Variants in MMP16 observed in about 807,000 individuals in gnomAD.
MMP16 encodes the protein matrix metalloproteinase-16.
MMP16 carries 12 observed loss-of-function variants against 67.8 expected under a neutral mutation model. That is an observed-to-expected ratio of 0.18 (90% CI 0.11 to 0.29). The LOEUF (loss-of-function observed/expected upper bound fraction) is 0.29, where lower values mean the gene tolerates loss of function less well. Among genes scored for constraint, MMP16 ranks in the 10% least tolerant of loss-of-function variants. The probability of loss-of-function intolerance (pLI) is 1.00; values close to 1 mark genes in which losing one functional copy is unlikely to be tolerated. For missense variants in MMP16, 475 were observed against 765.7 expected (o/e 0.62, Z 4.48); for synonymous variants, 249 against 255.9 (o/e 0.97, Z 0.26).
intron 1 of MMP16, among the ~76,000 whole-genome samples, chr8:88,274,921 C>A (rs1335769211): frequency 5.9e-5 from 9 of 151,802 alleles, no homozygotes; most frequent in Non-Finnish European, 1.3e-4. Context: ...AAAAAGTATC[C>A]TGGATATGTA....
At chr8:88,144,544 T>C (rs1483025774) in intron 4 of MMP16, among the ~76,000 whole-genome samples, 1 of 151,878 alleles carries the variant, frequency 6.6e-6, no homozygotes, top group African/African-American at 2.4e-5. Flanking sequence ...GAGACTTTTA[T>C]CTAATTTTAG....
chr8:88,264,244 G>C (rs1359635598), intron 1 of MMP16, among the ~76,000 whole-genome samples: 1 of 152,096 alleles, frequency 6.6e-6, no homozygotes, highest in African/African-American at 2.4e-5. Flanking sequence ...TGTTCTCCCA[G>C]ACTGAAGTAC....
chr8:88,261,390 T>C (rs1013409924), intron 1 of MMP16, among the ~76,000 whole-genome samples: 60 of 152,070 alleles, frequency 3.9e-4, no homozygotes, highest in Non-Finnish European at 1.5e-5. Context: ...AATCAGTGCA[T>C]CAGTTTTATG....
chr8:88,210,319 G>T (rs1327795527), intron 1 of MMP16, among the ~76,000 whole-genome samples: 1 of 152,132 alleles, frequency 6.6e-6, no homozygotes, highest in Middle Eastern at 3.2e-3. Flanking sequence ...TTTATTTATG[G>T]TTTTATTCTG....
At chr8:88,151,292 T>C (rs975244546) in intron 4 of MMP16, among the ~76,000 whole-genome samples, 2 of 147,526 alleles carry the variant, frequency 1.4e-5, no homozygotes, top group African/African-American at 2.5e-5. Flanking sequence ...CTGTCAACAT[T>C]AGACAGATCA....
At chr8:88,192,379 G>A (rs979258782) in intron 2 of MMP16, among the ~76,000 whole-genome samples, 2 of 152,140 alleles carry the variant, frequency 1.3e-5, no homozygotes, top group African/African-American at 2.4e-5. Flanking sequence ...GAACAAAACT[G>A]TATTAAGCCA....
rs71277984 is a variant in MMP16 at position 88,201,144 on chromosome 8, CAAAAAAAA to C, written c.133-3846_133-3839del. 3.5e-3 allele frequency among the ~76,000 whole-genome samples: 384 copies of C among 109,390 alleles called. 1 individual carries two copies. The highest frequency in any genetic ancestry group is 0.028 in the Middle Eastern group (5 of 178). 71.8% of individuals were successfully genotyped at this position (109,390 alleles called of 152,430 possible). On this transcript the variant is annotated intron_variant, in intron 1 of 9. Transcript: ENST00000286614. The stretch of plus-strand genomic sequence containing the variant: ...TAATTGCAGACATCCTTTCCCCCCC[CAAAAAAAA>C]AAAAAAAAAAAAAAAATGGAATAAG...
chr8:88,095,202 T>G (rs2118358103), intron 6 of MMP16, among the ~76,000 whole-genome samples: 1 of 151,990 alleles, frequency 6.6e-6, no homozygotes, highest in African/African-American at 2.4e-5. Context: ...CATCTATCAA[T>G]GTTGCCTTGA....
intron 1 of MMP16, among the ~76,000 whole-genome samples, chr8:88,200,346 A>G (rs891184985): frequency 6.6e-6 from 1 of 152,040 alleles, no homozygotes; most frequent in Non-Finnish European, 1.5e-5. Context: ...CAAGGGACAA[A>G]CAAGTTCCTT....
At chr8:88,326,811 T>C (rs1811546301) in intron 1 of MMP16, 2 of 374,198 alleles carry the variant, frequency 5.3e-6, no homozygotes, top group African/African-American at 2.0e-5. Context: ...TTCTCTTCCC[T>C]GGGTGAAAAG....
intron 1 of MMP16, among the ~76,000 whole-genome samples, chr8:88,244,821 T>C (rs1052670520): frequency 6.6e-6 from 1 of 152,184 alleles, no homozygotes; most frequent in East Asian, 1.9e-4. Context: ...ATTTTGAACA[T>C]ATTTGTGCTA....
intron 1 of MMP16, among the ~76,000 whole-genome samples, chr8:88,285,114 T>G (rs1462188010): frequency 2.0e-5 from 3 of 151,942 alleles, no homozygotes; most frequent in Non-Finnish European, 2.9e-5. Context: ...ACAAGAACAG[T>G]TTTTTGTTTA....
intron 4 of MMP16, among the ~76,000 whole-genome samples, chr8:88,128,111 C>A (rs373512121): frequency 6.6e-6 from 1 of 151,808 alleles, no homozygotes; most frequent in Non-Finnish European, 1.5e-5. Flanking sequence ...CTGCATGCTG[C>A]GGAGAACGGC....
chr8:88,166,567 T>G (rs1422115357), intron 4 of MMP16, among the ~76,000 whole-genome samples: 1 of 150,450 alleles, frequency 6.6e-6, no homozygotes, highest in African/African-American at 2.4e-5. Context: ...AGGATAGAGT[T>G]GCAAAAAATG....
At chr8:88,154,865 A>G (rs967951304) in intron 4 of MMP16, among the ~76,000 whole-genome samples, 7 of 151,516 alleles carry the variant, frequency 4.6e-5, no homozygotes, top group African/African-American at 1.7e-4. Flanking sequence ...CTTAAAGTAT[A>G]ATACAAAAAA....
At chr8:88,161,904 G>A (rs201543742) in intron 4 of MMP16, among the ~76,000 whole-genome samples, 20 of 151,968 alleles carry the variant, frequency 1.3e-4, no homozygotes, top group African/African-American at 4.8e-4. Context: ...GTTTGATTGC[G>A]CTGTGGTCTG....
chr8:88,202,179 C>A (rs1206121718), intron 1 of MMP16, among the ~76,000 whole-genome samples: 1 of 152,114 alleles, frequency 6.6e-6, no homozygotes, highest in African/African-American at 2.4e-5. Context: ...TTAATGGCTT[C>A]TTGAAATGGA....
intron 3 of MMP16, among the ~76,000 whole-genome samples, chr8:88,177,338 C>G (rs776804278): frequency 1.3e-5 from 2 of 152,166 alleles, no homozygotes; most frequent in Non-Finnish European, 2.9e-5. Context: ...TGAAATAACT[C>G]TTCTTCATTC....
chr8:88,187,743 ACTT>A (rs1235357424), intron 2 of MMP16, among the ~76,000 whole-genome samples: 2 of 152,180 alleles, frequency 1.3e-5, no homozygotes, highest in Non-Finnish European at 2.9e-5. Context: ...AATAACTTTT[ACTT>A]CTTAAGAAAG....
Sources: gnomAD v4.1 joint callset for allele counts (sites outside exome capture counted in the v4.1 genomes callset) on GRCh38, gnomAD v4.1.1 for gene constraint, MANE v1.5 for transcripts, NCBI Gene and HGNC (gene_info 2026-07-23, HGNC 2026-07-21) for gene names.